The following SPTLC2 variants were observed in gnomAD, a reference collection of about 807,000 sequenced individuals.
The protein encoded by SPTLC2 is serine palmitoyltransferase long chain base subunit 2.
Under a neutral mutation model 62.0 loss-of-function variants are expected in SPTLC2, and 21 were observed. That is an observed-to-expected ratio of 0.34 (90% CI 0.24 to 0.49). The LOEUF (loss-of-function observed/expected upper bound fraction) is 0.49, where lower values mean the gene tolerates loss of function less well. Ranked by LOEUF, SPTLC2 falls within the 20% of genes least tolerant of loss-of-function variation. The pLI, the probability that SPTLC2 is intolerant of heterozygous loss-of-function variation, is 0.99. For synonymous variants in SPTLC2, 261 were observed against 261.8 expected, an observed-to-expected ratio of 1.00 and a Z score of 0.03; for missense variants, 511 against 713.0, an observed-to-expected ratio of 0.72 and a Z score of 3.23.
At chr14:77,585,269 A>G (rs548457178) in intron 2 of SPTLC2, among the ~76,000 whole-genome samples, 1 of 152,340 alleles carries the variant, frequency 6.6e-6, no homozygotes, top group South Asian at 2.1e-4. Context: ...TAGATGTTTA[A>G]TAACTTATTA....
At chr14:77,579,514 C>T (rs2079735864) in intron 2 of SPTLC2, among the ~76,000 whole-genome samples, 1 of 152,112 alleles carries the variant, frequency 6.6e-6, no homozygotes, top group South Asian at 2.1e-4. Flanking sequence ...TTTAGAAAGC[C>T]AATGCAGGAG....
chr14:77,613,566 T>C (rs2079949114), intron 1 of SPTLC2, among the ~76,000 whole-genome samples: 1 of 152,250 alleles, frequency 6.6e-6, no homozygotes, highest in South Asian at 2.1e-4. Flanking sequence ...GTTCTTTTAC[T>C]ATACACATTC....
Position 77,616,518 on chromosome 14 carries a change from G to C in SPTLC2, c.62C>G (p.Ala21Gly), listed in dbSNP as rs1406446959. The C allele has an allele frequency of 1.3e-6, 2 of 1,534,676 alleles. No individual in the cohort carries two copies. The highest frequency in any genetic ancestry group is 1.7e-6 in the Non-Finnish European group (2 of 1,146,002). Residue 21 changes from alanine (A) to glycine (G), a missense_variant, in exon 1 of 12, where the codon GCG (alanine) becomes GGG (glycine). Transcript: ENST00000216484. ...GTACCCGTTCCGTACTTCCCCGTTC[G>C]CCACGCAGCCATTCGCCCGCACCGT... ...RRTVRANGCV[A>G]NGEVRNGYVR...
intron 1 of SPTLC2, among the ~76,000 whole-genome samples, chr14:77,613,858 A>G (rs2079950884): frequency 6.6e-6 from 1 of 152,234 alleles, no homozygotes. Context: ...AAATGAAAAC[A>G]ACTTTTAAAA....
chr14:77,570,174 G>A (rs992696038), intron 5 of SPTLC2, among the ~76,000 whole-genome samples: 2 of 140,662 alleles, frequency 1.4e-5, no homozygotes, highest in Non-Finnish European at 3.0e-5. Flanking sequence ...AGTGAGCTGA[G>A]ATGGTGCCAC....
At chr14:77,560,552 T>C (rs2079609072) in intron 6 of SPTLC2, among the ~76,000 whole-genome samples, 1 of 151,448 alleles carries the variant, frequency 6.6e-6, no homozygotes, top group Non-Finnish European at 1.5e-5. Context: ...GAGGTAGAGG[T>C]TGCAGTGAGC....
intron 5 of SPTLC2, among the ~76,000 whole-genome samples, chr14:77,565,179 TTGCAA>T (rs1321734010): frequency 7.2e-6 from 1 of 138,086 alleles, no homozygotes; most frequent in Non-Finnish European, 1.5e-5. Context: ...GAAGCAGAGG[TTGCAA>T]TGAGCTGAGA....
chr14:77,577,962 T>C (rs1432310942), intron 3 of SPTLC2, among the ~76,000 whole-genome samples: 2 of 151,846 alleles, frequency 1.3e-5, no homozygotes, highest in Non-Finnish European at 2.9e-5. Flanking sequence ...CTGGCCAACA[T>C]GGTGAAACCT....
chr14:77,604,009 C>T (rs1259521810), intron 1 of SPTLC2, among the ~76,000 whole-genome samples: 2 of 152,240 alleles, frequency 1.3e-5, no homozygotes, highest in Non-Finnish European at 2.9e-5. Flanking sequence ...ACTCTGCCCC[C>T]ACCACGTGCT....
At chr14:77,550,436 T>C (rs1319447821) in intron 9 of SPTLC2, among the ~76,000 whole-genome samples, 1 of 152,092 alleles carries the variant, frequency 6.6e-6, no homozygotes, top group African/African-American at 2.4e-5. Flanking sequence ...TAGCCGGGTG[T>C]GGTGGCGCAT....
At position 77,577,922 on chromosome 14, in the gene SPTLC2, A is replaced by C. The variant is rs186820209; in HGVS notation, c.483-1007T>G. ...CACTTTGGGAGGCCAAGGTGGGCAG[A>C]TCACTTGAGGCCAGGAGTTCGAGAC... On this transcript the variant is annotated intron_variant, in intron 3 of 11. Coordinates refer to ENST00000216484, the MANE Select transcript of SPTLC2 (RefSeq NM_004863.4). Among the ~76,000 whole-genome samples the C allele has an allele frequency of 4.1e-3, 624 of 152,168 alleles. 6 individuals are homozygous for C. The highest frequency in any genetic ancestry group is 0.014 in the African/African-American group (564 of 41,488).
chr14:77,528,437 A>G (rs1161143122), intron 9 of SPTLC2, among the ~76,000 whole-genome samples: 1 of 151,944 alleles, frequency 6.6e-6, no homozygotes, highest in Non-Finnish European at 1.5e-5. Context: ...CTCCATGTTG[A>G]TCAGGCTGGT....
chr14:77,616,208 C>A (rs2079965942), intron 1 of SPTLC2, among the ~76,000 whole-genome samples: 1 of 152,168 alleles, frequency 6.6e-6, no homozygotes, highest in Non-Finnish European at 1.5e-5. Flanking sequence ...GAGCTCTGAG[C>A]AGAACCCAGA....
At chr14:77,566,656 T>C (rs1361021229) in intron 5 of SPTLC2, among the ~76,000 whole-genome samples, 2 of 152,134 alleles carry the variant, frequency 1.3e-5, no homozygotes, top group African/African-American at 4.8e-5. Flanking sequence ...GAGACGGGGT[T>C]TCACCGTGTT....
chr14:77,566,749 C>T (rs1249540916), intron 5 of SPTLC2, among the ~76,000 whole-genome samples: 4 of 152,054 alleles, frequency 2.6e-5, no homozygotes, highest in Middle Eastern at 3.2e-3. Context: ...CGTGAGCCAC[C>T]GCGCCCGGCC....
At chr14:77,611,626 G>T (rs1454975580) in intron 1 of SPTLC2, among the ~76,000 whole-genome samples, 1 of 152,020 alleles carries the variant, frequency 6.6e-6, no homozygotes, top group Non-Finnish European at 1.5e-5. Context: ...AGGAGTTCGA[G>T]ACCAGCCTGG....
chr14:77,587,977 C>A (rs1566788554), intron 2 of SPTLC2, among the ~76,000 whole-genome samples: 4 of 151,972 alleles, frequency 2.6e-5, no homozygotes, highest in Non-Finnish European at 5.9e-5. Context: ...CTCTGTAACC[C>A]AGGCTGGAGA....
rs963812255 is a variant in SPTLC2 at position 77,552,191 on chromosome 14, T to C, written c.1208A>G (p.His403Arg). The change falls in exon 9 of 12, where the codon CAT becomes CGT. Residue 403 changes from histidine (H) to arginine (R), a missense_variant. By Grantham distance (29) the His-to-Arg change is conservative. Transcript: ENST00000216484. Reference protein sequence around the residue: ...ELIDYLRTHSHSAVYATSLSP... With the variant: ...ELIDYLRTHSRSAVYATSLSP... The stretch of plus-strand genomic sequence containing the variant: ...CAATGACGTGGCATACACTGCACTA[T>C]GAGAATGTGTTCGCAGGTAGTCTAT... The C allele has an allele frequency of 2.5e-6, 4 of 1,613,342 alleles. No homozygotes were observed. Among genetic ancestry groups the C allele is most frequent in the East Asian group, 2.2e-5 (1 of 44,896 alleles).
At chr14:77,607,880 G>A (rs2079913220) in intron 1 of SPTLC2, among the ~76,000 whole-genome samples, 1 of 152,192 alleles carries the variant, frequency 6.6e-6, no homozygotes, top group Admixed American at 6.5e-5. Context: ...AGCACAACCT[G>A]CAGAGCTCTC....
Sources: gnomAD v4.1 joint callset for allele counts (sites outside exome capture counted in the v4.1 genomes callset) on GRCh38, gnomAD v4.1.1 for gene constraint, MANE v1.5 for transcripts, NCBI Gene and HGNC (gene_info 2026-07-23, HGNC 2026-07-21) for gene names.